AQR: variants seen among roughly 807,000 people sequenced by gnomAD.
AQR encodes aquarius intron-binding spliceosomal factor.
A neutral mutation model predicts 180.5 loss-of-function variants in AQR; 61 were observed. That is an observed-to-expected ratio of 0.34 (90% confidence interval 0.28 to 0.42). The LOEUF (loss-of-function observed/expected upper bound fraction) is 0.42. Ranked by LOEUF, AQR falls within the 10% of genes least tolerant of loss-of-function variation. The pLI is 1.00. For synonymous variants in AQR, 551 were observed against 588.8 expected (o/e 0.94, Z 0.93); for missense variants, 1,281 against 1,798.3 (o/e 0.71, Z 5.20).
intron 16 of AQR, among the ~76,000 whole-genome samples, chr15:34,913,828 A>G (rs368890091): frequency 6.6e-6 from 1 of 152,360 alleles, no homozygotes; most frequent in African/African-American, 2.4e-5. Flanking sequence ...AGCTGTGGGC[A>G]GGAATGATCA....
intron 27 of AQR, among the ~76,000 whole-genome samples, chr15:34,878,045 C>T (rs111511272): frequency 7.9e-5 from 12 of 152,158 alleles, no homozygotes; most frequent in African/African-American, 2.4e-4. Flanking sequence ...TGATTACCTG[C>T]GACTCTAAGG....
At position 34,921,344 on chromosome 15, in the gene AQR, G is replaced by C. The variant is rs554326517; in HGVS notation, c.1119-910C>G. ...AGCTACTCAGGAGGCTGAGGCAGGA[G>C]AATCGCTTAAACCCAGGAGGCAGAG... On this transcript the variant is annotated intron_variant, in intron 13 of 34. Coordinates refer to ENST00000156471, the MANE Select transcript of AQR (RefSeq NM_014691.3). 1.4e-4 allele frequency among the ~76,000 whole-genome samples: 21 copies of C among 147,022 alleles called. No individual in the cohort carries two copies. In the South Asian group the frequency reaches 1.5e-3, roughly 11 times the overall value.
At chr15:34,955,242 T>C (rs977698378) in intron 3 of AQR, among the ~76,000 whole-genome samples, 1 of 152,226 alleles carries the variant, frequency 6.6e-6, no homozygotes, top group Non-Finnish European at 1.5e-5. Context: ...ACTGAGAGCA[T>C]GCATTATGCC....
intron 6 of AQR, 146 bp downstream of exon 6, chr15:34,944,142 A>G: frequency 1.5e-6 from 1 of 661,264 alleles, no homozygotes. Flanking sequence ...TTTTACTGAT[A>G]AGTGGCTGAA....
intron 20 of AQR, among the ~76,000 whole-genome samples, chr15:34,899,338 T>G (rs554578041): frequency 1.8e-4 from 27 of 152,190 alleles, no homozygotes; most frequent in African/African-American, 5.8e-4. Context: ...GGAGGGAGAC[T>G]AGGTTTGGGT....
chr15:34,929,521 C>T lies in AQR; in HGVS notation c.1014+737G>A, dbSNP rs374835483. 2.2e-4 allele frequency among the ~76,000 whole-genome samples: 34 copies of T among 152,190 alleles called. 6 individuals are homozygous for T. Among genetic ancestry groups the T allele is most frequent in the South Asian group, 1.5e-3 (7 of 4,822 alleles). On this transcript the variant is annotated intron_variant, in intron 12 of 34. Transcript: ENST00000156471. The stretch of plus-strand genomic sequence containing the variant: ...TGCAGATGTGTGGTGTTATTTCTGA[C>T]GTCTCTGTTCTGCTCCATTGGTCTA...
In AQR at chr15:34,918,248, T is replaced by C; in HGVS notation, c.1342+10A>G. The C allele has an allele frequency of 6.2e-7, 1 of 1,610,542 alleles. No individual in the cohort carries two copies. Among genetic ancestry groups the C allele is most frequent in the Non-Finnish European group, 8.5e-7 (1 of 1,178,954 alleles). ...CATTGTACAGCTGAATCCATACTTC[T>C]TTACCATACCTTCTCCAGAATAGTA... On this transcript the variant is annotated intron_variant, in intron 15 of 34. Coordinates refer to ENST00000156471, the MANE Select transcript of AQR (RefSeq NM_014691.3).
chr15:34,884,483 A>G (rs1893026029), intron 26 of AQR, 42 bp downstream of exon 26: 1 of 1,431,036 alleles, frequency 7.0e-7, no homozygotes, highest in Non-Finnish European at 9.5e-7. Context: ...AACTAAATTA[A>G]AAACCACTAA....
rs1892565447 is a variant in AQR at position 34,854,811 on chromosome 15, TAAC to T, written c.*1978_*1980del. The T allele has an allele frequency of 6.6e-6, 1 of 152,212 alleles. No homozygotes were observed. The highest frequency in any genetic ancestry group is 2.1e-4 in the South Asian group (1 of 4,834). The allele number at this position is 152,212 out of a possible 1,614,324, so 9.4% of individuals were successfully genotyped here. ...GGACAATAGTTAAGGAGAGAGCACT[TAAC>T]AGCCAGCTTATTTTGGTTGCAGGTA... On this transcript the variant is annotated 3_prime_UTR_variant, in exon 35 of 35. Transcript: ENST00000156471.
At chr15:34,892,981 T>C (rs1255733324) in intron 23 of AQR, among the ~76,000 whole-genome samples, 2 of 152,190 alleles carry the variant, frequency 1.3e-5, no homozygotes, top group African/African-American at 2.4e-5. Flanking sequence ...TCTATACTAA[T>C]TAGCCTTTCC....
intron 14 of AQR, 143 bp downstream of exon 14, chr15:34,920,186 AATG>A: frequency 3.5e-6 from 2 of 576,042 alleles, no homozygotes; most frequent in South Asian, 2.5e-5. Context: ...CAAAAAATCA[AATG>A]ATAATACAAT....
At chr15:34,864,539 A>T (rs1313752323) in intron 32 of AQR, among the ~76,000 whole-genome samples, 3 of 152,236 alleles carry the variant, frequency 2.0e-5, no homozygotes, top group African/African-American at 7.2e-5. Flanking sequence ...AACTGAAGGT[A>T]CACTGCTAGA....
At chr15:34,964,776 G>A (rs1294825613) in intron 1 of AQR, among the ~76,000 whole-genome samples, 1 of 147,110 alleles carries the variant, frequency 6.8e-6, no homozygotes, top group Non-Finnish European at 1.5e-5. Flanking sequence ...AAAAAAAATT[G>A]TAGTCTATCG....
chr15:34,939,382 A>G (rs763957166), intron 8 of AQR, among the ~76,000 whole-genome samples: 34 of 152,176 alleles, frequency 2.2e-4, no homozygotes, highest in Non-Finnish European at 3.8e-4. Context: ...CACAGCTCCC[A>G]GCCAAACATT....
At chr15:34,857,477 C>T (rs774070767) in intron 34 of AQR, among the ~76,000 whole-genome samples, 2 of 151,632 alleles carry the variant, frequency 1.3e-5, no homozygotes, top group Non-Finnish European at 2.9e-5. Flanking sequence ...GAGCTGGGTG[C>T]GGTGGCTCAT....
chr15:34,954,964 A>C (rs1894286131), intron 3 of AQR, among the ~76,000 whole-genome samples: 1 of 152,082 alleles, frequency 6.6e-6, no homozygotes, highest in African/African-American at 2.4e-5. Context: ...CTCTACTAAA[A>C]TACAAAAAAT....
At chr15:34,909,669 A>G (rs1035686981) in intron 17 of AQR, among the ~76,000 whole-genome samples, 1 of 151,694 alleles carries the variant, frequency 6.6e-6, no homozygotes, top group Admixed American at 6.6e-5. Context: ...ATGTATTTCT[A>G]TTTTTTTCAC....
chr15:34,891,729 T>G (rs1893152818), intron 23 of AQR, among the ~76,000 whole-genome samples: 1 of 151,684 alleles, frequency 6.6e-6, no homozygotes, highest in Non-Finnish European at 1.5e-5. Flanking sequence ...ACAGAACAAA[T>G]TTTATAAACA....
intron 17 of AQR, among the ~76,000 whole-genome samples, chr15:34,909,293 G>A (rs1893463996): frequency 6.6e-6 from 1 of 152,206 alleles, no homozygotes; most frequent in African/African-American, 2.4e-5. Context: ...TCACAGGACA[G>A]CTGGGAGAAA....
Sources: allele counts gnomAD v4.1 joint callset (sites outside exome capture counted in the v4.1 genomes callset), GRCh38; gene constraint gnomAD v4.1.1; transcripts MANE v1.5; gene names NCBI Gene and HGNC (gene_info 2026-07-23, HGNC 2026-07-21).